FBXL13: variants seen among roughly 807,000 people sequenced by gnomAD.
FBXL13 encodes F-box and leucine-rich repeat protein 13.
A neutral mutation model predicts 83.6 loss-of-function variants in FBXL13; 67 were observed. That is an observed-to-expected ratio of 0.80 (90% confidence interval 0.66 to 0.98). FBXL13 has a LOEUF of 0.98. Ranked by LOEUF, FBXL13 falls within the 50% of genes least tolerant of loss-of-function variation. The pLI is 0.00. For synonymous variants in FBXL13, 272 were observed against 299.5 expected (o/e 0.91, Z 0.95); for missense variants, 822 against 866.5 (o/e 0.95, Z 0.64).
intron 6 of FBXL13, among the ~76,000 whole-genome samples, chr7:102,981,064 G>A (rs1026244920): frequency 8.5e-5 from 13 of 152,060 alleles, no homozygotes; most frequent in African/African-American, 3.1e-4. Flanking sequence ...GTTGGATCAG[G>A]TGGCCTGAAA....
At chr7:102,984,383 C>T (rs932239017) in intron 6 of FBXL13, among the ~76,000 whole-genome samples, 2 of 152,070 alleles carry the variant, frequency 1.3e-5, no homozygotes, top group Non-Finnish European at 2.9e-5. Flanking sequence ...TCCATCCATC[C>T]ATCCATTAGA....
intron 14 of FBXL13, 65 bp downstream of exon 15, chr7:102,883,240 G>C: frequency 6.8e-7 from 1 of 1,464,742 alleles, no homozygotes; most frequent in Non-Finnish European, 9.2e-7. Context: ...AAGTTCCTTA[G>C]GAGAGAACCT....
At chr7:102,813,138 C>A (rs1797549820), downstream of FBXL13, 1 of 568,200 alleles carries the variant, frequency 1.8e-6, no homozygotes, top group Non-Finnish European at 2.9e-6. Context: ...CCGCTCCTGG[C>A]CTGGCTTCTT....
intron 16 of FBXL13, among the ~76,000 whole-genome samples, chr7:102,877,103 C>T (rs942539575): frequency 2.0e-5 from 3 of 152,162 alleles, no homozygotes; most frequent in African/African-American, 7.2e-5. Context: ...GATCTCAAGG[C>T]ATTCGGGTAG....
At chr7:103,020,597 C>T (rs1404064903) in intron 6 of FBXL13, among the ~76,000 whole-genome samples, 1 of 152,106 alleles carries the variant, frequency 6.6e-6, no homozygotes, top group Non-Finnish European at 1.5e-5. Context: ...TCGTCTCAGC[C>T]CAAAATCTCC....
intron 6 of FBXL13, among the ~76,000 whole-genome samples, chr7:102,981,196 G>A (rs1828171200): frequency 6.6e-6 from 1 of 152,164 alleles, no homozygotes; most frequent in Non-Finnish European, 1.5e-5. Context: ...TGGCAGCACA[G>A]AAAAGTAGTA....
intron 2 of FBXL13, among the ~76,000 whole-genome samples, chr7:103,035,346 G>A (rs1169941061): frequency 6.6e-6 from 1 of 152,192 alleles, no homozygotes; most frequent in African/African-American, 2.4e-5. Flanking sequence ...ACTTGAAGAG[G>A]AAACTGACCT....
chr7:102,924,645 T>C (rs1361757033), intron 10 of FBXL13, among the ~76,000 whole-genome samples: 13 of 148,246 alleles, frequency 8.8e-5, no homozygotes, highest in African/African-American at 3.2e-4. Flanking sequence ...GCTTTTCTTT[T>C]TTTTTTTTTT....
chr7:102,966,774 C>A lies in FBXL13; in HGVS notation c.591+1248G>T, dbSNP rs866809375. On this transcript the variant is annotated intron_variant, in intron 7 of 19. Coordinates refer to ENST00000313221, the Ensembl canonical transcript of FBXL13. ...TTATAATCAGCATTTTTAGCACAAA[C>A]AATAACTTTATTCAGAAGGCAATGA... Among the ~76,000 whole-genome samples, 15 of 152,302 alleles carry A rather than the reference C, an allele frequency of 9.8e-5. 1 individual carries two copies. Among genetic ancestry groups the A allele is most frequent in the Admixed American group, 2.6e-4 (4 of 15,302 alleles).
chr7:102,874,334 A>G (rs1286853339), intron 16 of FBXL13: 1 of 985,304 alleles, frequency 1.0e-6, no homozygotes, highest in Non-Finnish European at 1.2e-6. Context: ...TAGCTTCCTC[A>G]GCTGTTGTAG....
At chr7:102,894,011 A>C (rs577201473) in intron 11 of FBXL13, among the ~76,000 whole-genome samples, 104 of 152,172 alleles carry the variant, frequency 6.8e-4, no homozygotes, top group African/African-American at 2.4e-3. Context: ...AAAGAAAAGA[A>C]AGAGGAAAGA....
chr7:103,018,581 T>C (rs1469388950), intron 6 of FBXL13, among the ~76,000 whole-genome samples: 1 of 151,894 alleles, frequency 6.6e-6, no homozygotes, highest in Admixed American at 6.6e-5. Flanking sequence ...GGAAACCAAT[T>C]TCACATGCAG....
At chr7:103,019,479 A>C (rs1792841066) in intron 6 of FBXL13, among the ~76,000 whole-genome samples, 1 of 152,366 alleles carries the variant, frequency 6.6e-6, no homozygotes, top group African/African-American at 2.4e-5. Context: ...AGATCAGAGC[A>C]GAACTGAAGG....
intron 6 of FBXL13, among the ~76,000 whole-genome samples, chr7:103,023,732 T>A (rs1348990863): frequency 2.6e-5 from 4 of 152,120 alleles, no homozygotes; most frequent in Non-Finnish European, 5.9e-5. Context: ...TAAATGCCCA[T>A]CAACAGTAGA....
chr7:103,062,563 A>AGTTTTCCTACAATTTCTACC, intron 1 of FBXL13, among the ~76,000 whole-genome samples: 1 of 152,156 alleles, frequency 6.6e-6, no homozygotes, highest in South Asian at 2.1e-4. Flanking sequence ...GGCAATACTT[A>AGTTTTCCTACAATTTCTACC]GTTTTCCTAC....
intron 7 of FBXL13, among the ~76,000 whole-genome samples, chr7:102,964,171 C>T (rs539611954): frequency 2.6e-5 from 4 of 151,660 alleles, no homozygotes; most frequent in Non-Finnish European, 5.9e-5. Context: ...ATTAGCCAGG[C>T]GTGGTGACAC....
At chr7:102,858,833 C>G (rs1000871240) in intron 16 of FBXL13, among the ~76,000 whole-genome samples, 1 of 152,104 alleles carries the variant, frequency 6.6e-6, no homozygotes, top group Non-Finnish European at 1.5e-5. Context: ...CTAAAGCAGG[C>G]TCAGGGTGGG....
At chr7:102,871,286 G>A (rs12668311) in intron 16 of FBXL13, among the ~76,000 whole-genome samples, 9,180 of 151,958 alleles carry the variant, frequency 0.06, 314 homozygotes, top group East Asian at 0.12. Flanking sequence ...CTGATAAAAC[G>A]AAAACCATCT....
intron 9 of FBXL13, 119 bp from the exon 11 acceptor site, chr7:102,926,493 C>T: frequency 1.4e-6 from 1 of 699,108 alleles, no homozygotes; most frequent in Non-Finnish European, 2.3e-6. Context: ...GAGTTGGTTT[C>T]TTCATATTCT....
Sources: gnomAD v4.1 joint callset for allele counts (sites outside exome capture counted in the v4.1 genomes callset) on GRCh38, gnomAD v4.1.1 for gene constraint, MANE v1.5 for transcripts, NCBI Gene and HGNC (gene_info 2026-07-23, HGNC 2026-07-21) for gene names.